DPP6: variants seen among roughly 807,000 people sequenced by gnomAD.
The protein encoded by DPP6 is dipeptidyl peptidase like 6.
A neutral mutation model predicts 122.6 loss-of-function variants in DPP6; 69 were observed. That is an observed-to-expected ratio of 0.56 (90% CI 0.46 to 0.69). The LOEUF (loss-of-function observed/expected upper bound fraction) is 0.69. Ranked by LOEUF, DPP6 falls within the 30% of genes least tolerant of loss-of-function variation. DPP6 has a pLI of 0.00. For missense variants in DPP6, 928 were observed against 1,116.9 expected (o/e 0.83, Z 2.41); for synonymous variants, 418 against 433.1 (o/e 0.97, Z 0.43).
At chr7:153,956,671 C>T (rs78387211) in intron 1 of DPP6, among the ~76,000 whole-genome samples, 7,317 of 152,184 alleles carry the variant, frequency 0.048, 209 homozygotes, top group Non-Finnish European at 0.059. Flanking sequence ...CAGTCTTTTG[C>T]GAGTCTTTCT....
intron 1 of DPP6, among the ~76,000 whole-genome samples, chr7:154,394,490 T>TAA (rs1814906169): frequency 3.9e-5 from 1 of 25,464 alleles, no homozygotes; most frequent in Non-Finnish European, 9.9e-5. Context: ...AATTCCTTAT[T>TAA]ACATATATAT....
intron 5 of DPP6, among the ~76,000 whole-genome samples, chr7:154,573,478 C>A (rs1586657176): frequency 6.6e-6 from 1 of 152,222 alleles, no homozygotes; most frequent in African/African-American, 2.4e-5. Flanking sequence ...CAGAAGCTGC[C>A]CCTTCACTGC....
At chr7:154,243,310 G>A (rs1801764477) in intron 1 of DPP6, among the ~76,000 whole-genome samples, 1 of 152,096 alleles carries the variant, frequency 6.6e-6, no homozygotes, top group Non-Finnish European at 1.5e-5. Context: ...CAAGCCCTGA[G>A]ATTAAATGCC....
intron 1 of DPP6, among the ~76,000 whole-genome samples, chr7:153,988,140 G>A (rs1360787450): frequency 1.3e-5 from 2 of 152,236 alleles, no homozygotes; most frequent in Non-Finnish European, 2.9e-5. Context: ...ATGGGTGGCT[G>A]TCCTCCTTCT....
intron 1 of DPP6, among the ~76,000 whole-genome samples, chr7:154,381,031 T>A (rs1247064578): frequency 1.3e-5 from 2 of 152,198 alleles, no homozygotes; most frequent in Non-Finnish European, 2.9e-5. Context: ...TGCAGGCCTC[T>A]AGGGACATCC....
intron 12 of DPP6, among the ~76,000 whole-genome samples, chr7:154,800,396 T>C (rs889781146): frequency 2.0e-5 from 3 of 152,232 alleles, no homozygotes; most frequent in Non-Finnish European, 2.9e-5. Context: ...TGAAGCTCCT[T>C]GAGTCAGAAA....
At chr7:154,410,565 C>T (rs1290464269) in intron 1 of DPP6, among the ~76,000 whole-genome samples, 1 of 152,138 alleles carries the variant, frequency 6.6e-6, no homozygotes. Flanking sequence ...TTTTTTTCTA[C>T]ATTTCTCTAA....
At chr7:154,234,635 CA>C (rs1293034984) in intron 1 of DPP6, among the ~76,000 whole-genome samples, 1 of 152,134 alleles carries the variant, frequency 6.6e-6, no homozygotes, top group South Asian at 2.1e-4. Context: ...CAGACACACA[CA>C]TACACAGAAT....
Position 154,827,743 on chromosome 7 carries a change from G to A in DPP6, c.1666+20631G>A, listed in dbSNP as rs1254035580. ...CGGCTGGCGGGGGGGGGGTGGTGTC[G>A]GAGCCCAAGTGGAGTGAGGAGGGGG... On this transcript the variant is annotated intron_variant, in intron 16 of 25. Transcript: ENST00000377770. Among the ~76,000 whole-genome samples the A allele has an allele frequency of 6.1e-5, 7 of 113,900 alleles. 1 individual carries two copies. The highest frequency in any genetic ancestry group is 5.1e-3 in the Middle Eastern group (1 of 196). 74.7% of individuals were successfully genotyped at this position (113,900 alleles called of 152,430 possible). A position where few individuals can be genotyped will look rare whatever the true frequency, so the allele number is the denominator to read the frequency against.
intron 5 of DPP6, among the ~76,000 whole-genome samples, chr7:154,621,557 C>CAG (rs141457880): frequency 0.21 from 31,283 of 151,826 alleles, 3,378 homozygotes; most frequent in African/African-American, 0.27. Context: ...TTAGTAGAGA[C>CAG]GGTTTCGCCA....
intron 1 of DPP6, among the ~76,000 whole-genome samples, chr7:154,205,171 A>G (rs1799374511): frequency 6.6e-6 from 1 of 151,830 alleles, no homozygotes; most frequent in African/African-American, 2.4e-5. Flanking sequence ...GTATTTTGAG[A>G]TAATTGCAGA....
chr7:154,427,376 A>G (rs552847994), intron 1 of DPP6, among the ~76,000 whole-genome samples: 3 of 152,310 alleles, frequency 2.0e-5, no homozygotes, highest in African/African-American at 7.2e-5. Flanking sequence ...TGATGCATGT[A>G]TTCTCTTTAT....
intron 1 of DPP6, among the ~76,000 whole-genome samples, chr7:154,243,787 C>G (rs899986685): frequency 1.3e-5 from 2 of 151,514 alleles, no homozygotes; most frequent in African/African-American, 4.9e-5. Context: ...CAGTGCAAGA[C>G]TCCATCTCAA....
At chr7:154,459,478 A>G (rs1440510145) in intron 2 of DPP6, among the ~76,000 whole-genome samples, 1 of 152,214 alleles carries the variant, frequency 6.6e-6, no homozygotes, top group Non-Finnish European at 1.5e-5. Context: ...TTATGATCAG[A>G]ACATGATTTT....
At chr7:154,091,005 C>T (rs888942700) in intron 1 of DPP6, among the ~76,000 whole-genome samples, 2 of 151,060 alleles carry the variant, frequency 1.3e-5, no homozygotes, top group African/African-American at 2.4e-5. Context: ...CCTGTAGTCC[C>T]AGCTACTCGG....
intron 1 of DPP6, among the ~76,000 whole-genome samples, chr7:154,286,113 G>C (rs1159312805): frequency 6.6e-6 from 1 of 152,170 alleles, no homozygotes; most frequent in African/African-American, 2.4e-5. Flanking sequence ...CATTAGAAAA[G>C]AAGAGATTCC....
At chr7:154,489,266 A>G (rs557051747) in intron 3 of DPP6, among the ~76,000 whole-genome samples, 45 of 152,238 alleles carry the variant, frequency 3.0e-4, no homozygotes, top group Non-Finnish European at 5.7e-4. Context: ...GAAGTGAATC[A>G]GAGTTCTCTT....
chr7:154,862,465 C>T (rs976003995), intron 17 of DPP6, among the ~76,000 whole-genome samples: 1 of 152,236 alleles, frequency 6.6e-6, no homozygotes, highest in African/African-American at 2.4e-5. Flanking sequence ...AGACTTCAGT[C>T]CAGCATTTGG....
intron 7 of DPP6, among the ~76,000 whole-genome samples, chr7:154,705,414 C>A (rs1840773131): frequency 6.6e-6 from 1 of 152,184 alleles, no homozygotes; most frequent in Non-Finnish European, 1.5e-5. Flanking sequence ...GCGTGTTCAT[C>A]TCGCTCTCTT....
Sources: gnomAD v4.1 joint callset for allele counts (sites outside exome capture counted in the v4.1 genomes callset) on GRCh38, gnomAD v4.1.1 for gene constraint, MANE v1.5 for transcripts, NCBI Gene and HGNC (gene_info 2026-07-23, HGNC 2026-07-21) for gene names.